The following UXS1 variants were observed in gnomAD, a reference collection of about 807,000 sequenced individuals.
UXS1 encodes UDP-glucuronate decarboxylase 1, also known as UDP-glucuronic acid decarboxylase 1.
Under a neutral mutation model 62.6 loss-of-function variants are expected in UXS1, and 33 were observed. The ratio of observed to expected loss-of-function variants is 0.53; its 90% confidence interval spans 0.40 to 0.70. The LOEUF (loss-of-function observed/expected upper bound fraction) is 0.70, where lower values mean the gene tolerates loss of function less well. UXS1 is among the 30% of genes least tolerant of loss of function. The pLI, the probability that UXS1 is intolerant of heterozygous loss-of-function variation, is 0.00. For synonymous variants in UXS1, 213 were observed against 206.8 expected (o/e 1.03, Z -0.26); for missense variants, 434 against 556.3 (o/e 0.78, Z 2.21).
chr2:106,143,973 G>A (rs966294987), intron 6 of UXS1, among the ~76,000 whole-genome samples: 2 of 152,184 alleles, frequency 1.3e-5, no homozygotes, highest in African/African-American at 2.4e-5. Context: ...GATAATCCAG[G>A]ATCATCCTCA....
At chr2:106,106,726 A>C (rs1678103875) in intron 10 of UXS1, among the ~76,000 whole-genome samples, 1 of 152,214 alleles carries the variant, frequency 6.6e-6, no homozygotes, top group South Asian at 2.1e-4. Flanking sequence ...ACATGTGAGG[A>C]AGGTAGGAAG....
At chr2:106,150,470 C>A (rs1310275874) in intron 5 of UXS1, among the ~76,000 whole-genome samples, 1 of 152,248 alleles carries the variant, frequency 6.6e-6, no homozygotes, top group African/African-American at 2.4e-5. Flanking sequence ...ATTCATTGCC[C>A]TGTGCTGCCA....
chr2:106,165,941 ACTTTTG>A, intron 2 of UXS1, 109 bp downstream of exon 2: 1 of 986,820 alleles, frequency 1.0e-6, no homozygotes. Context: ...GCAAGAACCC[ACTTTTG>A]TTTTAAAAAT....
chr2:106,125,582 G>C (rs937544930), intron 8 of UXS1, 38 bp downstream of exon 8: 5 of 1,529,586 alleles, frequency 3.3e-6, no homozygotes, highest in Admixed American at 2.1e-5. Context: ...CAGTCCAAGG[G>C]CTGGAGTGAA....
intron 1 of UXS1, among the ~76,000 whole-genome samples, chr2:106,180,325 A>G (rs1684165073): frequency 6.6e-6 from 1 of 152,226 alleles, no homozygotes; most frequent in Non-Finnish European, 1.5e-5. Flanking sequence ...TAAAATTATG[A>G]ATTAAAACTA....
chr2:106,122,860 C>A (rs192752394), intron 9 of UXS1, 110 bp downstream of exon 9: 2 of 1,470,578 alleles, frequency 1.4e-6, no homozygotes, highest in Non-Finnish European at 1.8e-6. Flanking sequence ...TTCCCAAACA[C>A]CTATCCCCAG....
At chr2:106,178,008 G>A (rs1433094847) in intron 1 of UXS1, among the ~76,000 whole-genome samples, 1 of 152,224 alleles carries the variant, frequency 6.6e-6, no homozygotes, top group African/African-American at 2.4e-5. Context: ...AAAGAACAGA[G>A]TCAAATGCCA....
rs187896073 is a variant in UXS1 at position 106,180,088 on chromosome 2, G to A, written c.95-14005C>T. ...CACACCACTGCACTCCAGCCTAGGC[G>A]ACAGAGCGAGACTCCGTCTCAAAAA... On this transcript the variant is annotated intron_variant, in intron 1 of 14. Transcript: ENST00000283148. Among the ~76,000 whole-genome samples, 666 of 152,316 alleles carry A rather than the reference G, an allele frequency of 4.4e-3. 7 individuals carry two copies. Among genetic ancestry groups the A allele is most frequent in the African/African-American group, 0.015 (617 of 41,560 alleles).
chr2:106,094,608 G>T (rs1201712534), intron 14 of UXS1, among the ~76,000 whole-genome samples: 1 of 152,080 alleles, frequency 6.6e-6, no homozygotes, highest in African/African-American at 2.4e-5. Context: ...ATTCTCCCAC[G>T]TGACATCAAC....
At chr2:106,101,802 C>T (rs1403333317) in intron 11 of UXS1, 1 of 152,226 alleles carries the variant, frequency 6.6e-6, no homozygotes, top group East Asian at 1.9e-4. Context: ...CTTTCGCTTA[C>T]CAAGGTTTGG....
intron 10 of UXS1, among the ~76,000 whole-genome samples, chr2:106,107,903 A>G (rs1409340555): frequency 6.6e-6 from 1 of 152,158 alleles, no homozygotes; most frequent in Non-Finnish European, 1.5e-5. Context: ...CTGAGGTCCC[A>G]CCTGAGGCCC....
chr2:106,114,950 A>T (rs1334100543), intron 9 of UXS1, among the ~76,000 whole-genome samples: 1 of 152,164 alleles, frequency 6.6e-6, no homozygotes, highest in African/African-American at 2.4e-5. Flanking sequence ...TGTCTTCTGG[A>T]GTTTGTATGC....
chr2:106,114,575 C>T (rs1678911380), intron 9 of UXS1, among the ~76,000 whole-genome samples: 1 of 152,230 alleles, frequency 6.6e-6, no homozygotes, highest in East Asian at 1.9e-4. Context: ...AGGGGAAAAG[C>T]TCAATGGGTT....
At chr2:106,106,090 C>T (rs1213537104) in intron 10 of UXS1, among the ~76,000 whole-genome samples, 3 of 152,074 alleles carry the variant, frequency 2.0e-5, no homozygotes, top group East Asian at 1.9e-4. Context: ...CATGGCCTGG[C>T]GCGGTGGCTC....
At chr2:106,164,516 C>A (rs891640533) in intron 3 of UXS1, among the ~76,000 whole-genome samples, 1 of 152,174 alleles carries the variant, frequency 6.6e-6, no homozygotes, top group African/African-American at 2.4e-5. Flanking sequence ...AAGTCTAAAT[C>A]CATTTTGCCT....
intron 1 of UXS1, among the ~76,000 whole-genome samples, chr2:106,174,290 G>C (rs1683740497): frequency 6.6e-6 from 1 of 152,234 alleles, no homozygotes; most frequent in Non-Finnish European, 1.5e-5. Flanking sequence ...GCAATGAACA[G>C]CTGTTCAGAG....
rs542035000 is a variant in UXS1, at chr2:106,169,239, A to G, written c.95-3156T>C. 2.0e-5 allele frequency among the ~76,000 whole-genome samples: 3 copies of G among 152,324 alleles called. No individual in the cohort carries two copies. The East Asian group carries it at 5.8e-4, about 29-fold the overall frequency. ...AAGTATACTGTCTCATTTTGGCTAC[A>G]GGATTAAGCTGCTTTACTGAGAATA... On this transcript the variant is annotated intron_variant, in intron 1 of 14. Transcript: ENST00000283148.
chr2:106,178,879 T>C (rs1371857581), intron 1 of UXS1, among the ~76,000 whole-genome samples: 1 of 152,192 alleles, frequency 6.6e-6, no homozygotes, highest in Non-Finnish European at 1.5e-5. Context: ...GCTTCTTCTA[T>C]CACATTCGTA....
At position 106,101,258 on chromosome 2, in the gene UXS1, CA is replaced by C. The variant is rs1408431907; in HGVS notation, c.924-141del. Reference sequence around the variant, plus strand: ...CCAAATGGAAAATTGAATGTCGAAACAAAATCCTACAAACTAAGATGGTGTT... The same window carrying C: ...CCAAATGGAAAATTGAATGTCGAAACAAATCCTACAAACTAAGATGGTGTT... On this transcript the variant is annotated intron_variant, in intron 11 of 14. Transcript: ENST00000283148. The C allele has an allele frequency of 1.2e-5, 9 of 742,198 alleles. 1 individual carries two copies. The African/African-American group carries it at 1.6e-4, about 13-fold the overall frequency. 46.0% of individuals were successfully genotyped at this position (742,198 alleles called of 1,614,324 possible). A position where few individuals can be genotyped will look rare whatever the true frequency, so the allele number is the denominator to read the frequency against.
Sources: allele counts gnomAD v4.1 joint callset (sites outside exome capture counted in the v4.1 genomes callset), GRCh38; gene constraint gnomAD v4.1.1; transcripts MANE v1.5; gene names NCBI Gene and HGNC (gene_info 2026-07-23, HGNC 2026-07-21).